Variants in IST1 observed in about 807,000 individuals in gnomAD.
IST1 encodes IST1 factor associated with ESCRT-III.
In IST1, 23 loss-of-function variants were observed where a neutral mutation model predicts 37.0. The ratio of observed to expected loss-of-function variants is 0.62; its 90% CI spans 0.45 to 0.88. The LOEUF (loss-of-function observed/expected upper bound fraction) is 0.88. Among genes scored for constraint, IST1 ranks in the 40% least tolerant of loss-of-function variants. IST1 has a pLI of 0.00. For missense variants in IST1, 488 were observed against 445.4 expected (o/e 1.10, Z -0.86); for synonymous variants, 180 against 161.7 (o/e 1.11, Z -0.86).
At chr16:71,906,985 G>A (rs1319176535) in intron 1 of IST1, among the ~76,000 whole-genome samples, 1 of 152,006 alleles carries the variant, frequency 6.6e-6, no homozygotes, top group Non-Finnish European at 1.5e-5. Context: ...AGCAGAGATC[G>A]TGCCACTACA....
intron 5 of IST1, chr16:71,921,110 A>G: frequency 1.7e-6 from 1 of 598,022 alleles, no homozygotes. Context: ...GAACTGTGGA[A>G]GGCAGCAGTA....
chr16:71,921,017 T>C, intron 5 of IST1, 195 bp downstream of exon 5: 1 of 632,714 alleles, frequency 1.6e-6, no homozygotes. Context: ...GTTACTGTCA[T>C]TCCTGACTCC....
intron 5 of IST1, chr16:71,921,069 G>T: frequency 1.7e-6 from 1 of 605,860 alleles, no homozygotes; most frequent in Non-Finnish European, 3.0e-6. Flanking sequence ...GTGAAGGTTG[G>T]AAGTGAGGTG....
upstream of IST1, chr16:71,894,605 A>T: frequency 2.0e-6 from 1 of 490,750 alleles, no homozygotes; most frequent in Non-Finnish European, 3.7e-6. Flanking sequence ...GGTTTACTGC[A>T]GCAGCGACCT....
At chr16:71,899,615 C>T (rs1359645534) in intron 1 of IST1, among the ~76,000 whole-genome samples, 3 of 152,172 alleles carry the variant, frequency 2.0e-5, no homozygotes, top group Admixed American at 6.6e-5. Flanking sequence ...GTGGCTCATA[C>T]CTGTAATCCC....
intron 1 of IST1, among the ~76,000 whole-genome samples, chr16:71,908,091 G>A (rs1474159540): frequency 1.3e-5 from 2 of 151,960 alleles, no homozygotes; most frequent in South Asian, 2.1e-4. Context: ...CTACAGGCAC[G>A]TGCCACCACA....
chr16:71,916,006 T>G (rs533170756), intron 2 of IST1, among the ~76,000 whole-genome samples: 1 of 152,122 alleles, frequency 6.6e-6, no homozygotes, highest in South Asian at 2.1e-4. Context: ...AATTTTCATG[T>G]TTTTAGTAGA....
At chr16:71,912,030 C>G (rs1052723280) in intron 1 of IST1, among the ~76,000 whole-genome samples, 1 of 151,756 alleles carries the variant, frequency 6.6e-6, no homozygotes, top group African/African-American at 2.4e-5. Context: ...AAAGAGTGAC[C>G]TTGAGAGGTG....
At position 71,929,885 on chromosome 16, in the gene IST1, T is replaced by C; in HGVS notation, c.*2072T>C. 1 of 1,028,916 alleles carries C rather than the reference T, an allele frequency of 9.7e-7. No individual in the cohort carries two copies. Among genetic ancestry groups the C allele is most frequent in the Non-Finnish European group, 1.4e-6 (1 of 726,288 alleles). 63.7% of individuals were successfully genotyped at this position (1,028,916 alleles called of 1,614,324 possible). ...AATGGCTATAGAATATTATGTAGTCTTATAAATTGGGTTTCCTAGGAAGAT... is the reference window on the plus strand; with the variant it reads ...AATGGCTATAGAATATTATGTAGTCCTATAAATTGGGTTTCCTAGGAAGAT... On this transcript the variant is annotated 3_prime_UTR_variant, in exon 10 of 10. Transcript: ENST00000378799.
Position 71,930,219 on chromosome 16 carries a change from A to G in IST1, c.*2406A>G. On this transcript the variant is annotated 3_prime_UTR_variant, in exon 10 of 10. Coordinates refer to ENST00000378799, the MANE Select transcript of IST1 (RefSeq NM_001270975.2). The stretch of plus-strand genomic sequence containing the variant: ...AATAAGAACACTTGCAGTGACTGAC[A>G]ATTTAGTTTATACTTTACAAACATA... 3.3e-6 allele frequency: 5 copies of G among 1,514,472 alleles called. No homozygotes were observed. Among genetic ancestry groups the G allele is most frequent in the Non-Finnish European group, 4.4e-6 (5 of 1,129,080 alleles). 93.8% of individuals were successfully genotyped at this position (1,514,472 alleles called of 1,614,324 possible).
chr16:71,904,417 C>T (rs1567461719), intron 1 of IST1, among the ~76,000 whole-genome samples: 1 of 152,150 alleles, frequency 6.6e-6, no homozygotes, highest in South Asian at 2.1e-4. Flanking sequence ...CCATTGCGCC[C>T]GGCCTGTTGT....
intron 1 of IST1, among the ~76,000 whole-genome samples, chr16:71,910,555 G>A (rs915704309): frequency 1.3e-5 from 2 of 150,460 alleles, no homozygotes; most frequent in East Asian, 2.0e-4. Context: ...GCAGTGGGCC[G>A]AGATTGTGCC....
chr16:71,921,320 G>A (rs2037576877), intron 5 of IST1, 23 bp from the exon 6 acceptor site: 1 of 1,452,940 alleles, frequency 6.9e-7, no homozygotes, highest in Non-Finnish European at 9.7e-7. Flanking sequence ...ATGCATCTTA[G>A]CCCTGGGTCT....
At position 71,922,587 on chromosome 16, in the gene IST1, T is replaced by A. The variant is rs895974894; in HGVS notation, c.666T>A (p.Gly222=). ...GTGGTGGCTTCACAGCACCAGTTGG[T>A]GGACCTGATGGAACGGTGCCAATGC... is the stretch of plus-strand genomic sequence containing the variant. ...GGSGGFTAPV[G]GPDGTVPMPM... The change falls in exon 7 of 10, where the codon GGT becomes GGA. Residue 222 remains glycine (G), a synonymous_variant. Coordinates refer to ENST00000378799, the MANE Select transcript of IST1 (RefSeq NM_001270975.2). 3 of 1,612,592 alleles carry A rather than the reference T, an allele frequency of 1.9e-6. No individual in the cohort carries two copies. The African/African-American group carries it at 4.0e-5, about 22-fold the overall frequency.
At chr16:71,894,671 G>A (rs905300333), upstream of IST1, 31 of 561,170 alleles carry the variant, frequency 5.5e-5, no homozygotes, top group African/African-American at 4.0e-4. Context: ...GACCACAAGT[G>A]CTCACTGCTG....
chr16:71,929,978 T>C lies in IST1; in HGVS notation c.*2165T>C, dbSNP rs1436802620. On this transcript the variant is annotated 3_prime_UTR_variant, in exon 10 of 10. Coordinates refer to ENST00000378799, the MANE Select transcript of IST1 (RefSeq NM_001270975.2). Reference sequence around the variant, plus strand: ...GTGCATTATAAATTATGTCAGCCCGTCATCTTAGGGGCAGTTACAGTGGAG... The same window carrying C: ...GTGCATTATAAATTATGTCAGCCCGCCATCTTAGGGGCAGTTACAGTGGAG... 4 of 1,430,464 alleles carry C rather than the reference T, an allele frequency of 2.8e-6. No homozygotes were observed. The African/African-American group carries it at 5.8e-5, about 21-fold the overall frequency. The allele number at this position is 1,430,464 out of a possible 1,614,324, so 88.6% of individuals were successfully genotyped here. A position where few individuals can be genotyped will look rare whatever the true frequency, so the allele number is the denominator to read the frequency against.
intron 1 of IST1, among the ~76,000 whole-genome samples, chr16:71,902,752 A>T (rs754638093): frequency 5.9e-5 from 9 of 152,186 alleles, no homozygotes; most frequent in Admixed American, 1.3e-4. Flanking sequence ...TCACCCTTTC[A>T]TCGCTGATAC....
rs1180836972 is a variant in IST1, at chr16:71,915,478, A to C, written c.-15-148A>C. 5.3e-6 allele frequency: 3 copies of C among 564,914 alleles called. No homozygotes were observed. The Admixed American group carries it at 1.0e-4, about 20-fold the overall frequency. The allele number at this position is 564,914 out of a possible 1,614,324, so 35.0% of individuals were successfully genotyped here. ...CAGTTTTTTTTACAACAGCCAAAAC[A>C]ATCTGTAAAAAATGTGAATTAGATC... On this transcript the variant is annotated intron_variant, in intron 1 of 9. Transcript: ENST00000378799.
intron 1 of IST1, 28 bp from the exon 2 acceptor site, chr16:71,915,598 A>G (rs369421998): frequency 2.0e-6 from 3 of 1,513,072 alleles, no homozygotes; most frequent in Non-Finnish European, 2.7e-6. Flanking sequence ...TGACTTGAAA[A>G]TAGTCATTGT....
Sources: gnomAD v4.1 joint callset for allele counts (sites outside exome capture counted in the v4.1 genomes callset) on GRCh38, gnomAD v4.1.1 for gene constraint, MANE v1.5 for transcripts, NCBI Gene and HGNC (gene_info 2026-07-23, HGNC 2026-07-21) for gene names.